The following PKNOX2 variants were observed in gnomAD, a reference collection of about 807,000 sequenced individuals.
PKNOX2 encodes homeobox protein PKNOX2.
Under a neutral mutation model 53.1 loss-of-function variants are expected in PKNOX2, and 14 were observed. The ratio of observed to expected loss-of-function variants is 0.26; its 90% CI spans 0.17 to 0.41. The LOEUF (loss-of-function observed/expected upper bound fraction) is 0.41. Among genes scored for constraint, PKNOX2 ranks in the 10% least tolerant of loss-of-function variants. The pLI is 1.00. For synonymous variants in PKNOX2, 257 were observed against 242.8 expected (o/e 1.06, Z -0.54); for missense variants, 496 against 602.8 (o/e 0.82, Z 1.85).
At chr11:125,251,114 G>A (rs1484584235) in intron 2 of PKNOX2, among the ~76,000 whole-genome samples, 2 of 152,224 alleles carry the variant, frequency 1.3e-5, no homozygotes, top group Non-Finnish European at 2.9e-5. Context: ...CACGGGAGGC[G>A]TGTGACTTCT....
At chr11:125,330,396 G>A (rs1950069683) in intron 2 of PKNOX2, 1 of 152,246 alleles carries the variant, frequency 6.6e-6, no homozygotes, top group South Asian at 2.1e-4. Flanking sequence ...CCTGTGAGCT[G>A]GTCCTGATCT....
intron 2 of PKNOX2, among the ~76,000 whole-genome samples, chr11:125,325,450 G>A (rs975826896): frequency 6.6e-6 from 1 of 152,126 alleles, no homozygotes; most frequent in African/African-American, 2.4e-5. Flanking sequence ...AGGTATTAGG[G>A]GAGCAGAAAG....
chr11:125,230,463 T>C (rs1294608061), intron 1 of PKNOX2, among the ~76,000 whole-genome samples: 1 of 152,064 alleles, frequency 6.6e-6, no homozygotes, highest in East Asian at 1.9e-4. Flanking sequence ...GAGGGACGAG[T>C]GGTCCATCAG....
intron 2 of PKNOX2, among the ~76,000 whole-genome samples, chr11:125,245,732 A>G (rs1377610025): frequency 6.6e-6 from 1 of 152,206 alleles, no homozygotes; most frequent in Non-Finnish European, 1.5e-5. Context: ...GAGCAAAAGG[A>G]AAAGAAGTTT....
At chr11:125,419,453 A>G (rs369345820) in intron 10 of PKNOX2, among the ~76,000 whole-genome samples, 6 of 22,586 alleles carry the variant, frequency 2.7e-4, no homozygotes, top group Non-Finnish European at 8.4e-4. Flanking sequence ...AAAAAAAAAG[A>G]AAAAAAAAAA....
At chr11:125,410,462 C>A in intron 8 of PKNOX2, 137 bp downstream of exon 8, 1 of 1,262,522 alleles carries the variant, frequency 7.9e-7, no homozygotes, top group Non-Finnish European at 1.1e-6. Context: ...CTAAAGTTTT[C>A]TGTAAGTTTA....
intron 1 of PKNOX2, among the ~76,000 whole-genome samples, chr11:125,179,879 C>T (rs561932152): frequency 8.4e-4 from 128 of 152,202 alleles, no homozygotes; most frequent in Non-Finnish European, 1.5e-3. Context: ...GGTATTTTGC[C>T]CTCAGCATAT....
intron 2 of PKNOX2, among the ~76,000 whole-genome samples, chr11:125,249,019 TTATATAA>T (rs1482089039): frequency 1.5e-5 from 2 of 131,020 alleles, no homozygotes; most frequent in Non-Finnish European, 3.3e-5. Context: ...TATATATAAC[TTATATAA>T]TATAGTATAT....
At chr11:125,309,634 C>G (rs979527453) in intron 2 of PKNOX2, among the ~76,000 whole-genome samples, 1 of 152,094 alleles carries the variant, frequency 6.6e-6, no homozygotes. Flanking sequence ...GTGATCTGCC[C>G]GCCTTGGCCT....
chr11:125,382,523 G>A (rs137946761), intron 5 of PKNOX2, among the ~76,000 whole-genome samples: 155 of 151,542 alleles, frequency 1.0e-3, no homozygotes, highest in Non-Finnish European at 2.2e-3. Flanking sequence ...ATTCCTAATT[G>A]ATCTAGTGGC....
At position 125,392,887 on chromosome 11, in the gene PKNOX2, G is replaced by A. The variant is rs184032064; in HGVS notation, c.400-4987G>A. The stretch of plus-strand genomic sequence containing the variant: ...GAAAAGAGAAAGTTTGGCCGGGCGC[G>A]GTGGCTCACGCCTGTAATCCCAGCA... On this transcript the variant is annotated intron_variant, in intron 6 of 12. Transcript: ENST00000298282. Among the ~76,000 whole-genome samples the A allele has an allele frequency of 2.2e-3, 331 of 152,160 alleles. 1 individual carries two copies. The highest frequency in any genetic ancestry group is 6.5e-3 in the African/African-American group (270 of 41,512).
intron 1 of PKNOX2, among the ~76,000 whole-genome samples, chr11:125,194,369 G>T (rs146032266): frequency 1.1e-3 from 170 of 152,298 alleles, no homozygotes; most frequent in Non-Finnish European, 2.2e-3. Flanking sequence ...AGATAACACA[G>T]CGAGTCTTTT....
chr11:125,235,983 A>G (rs953812443), intron 2 of PKNOX2, among the ~76,000 whole-genome samples: 12 of 152,192 alleles, frequency 7.9e-5, no homozygotes, highest in Non-Finnish European at 1.3e-4. Context: ...CACGCTGCTT[A>G]TGGGGCTACC....
chr11:125,409,847 C>A (rs900999527), intron 7 of PKNOX2, among the ~76,000 whole-genome samples: 1 of 152,004 alleles, frequency 6.6e-6, no homozygotes, highest in Non-Finnish European at 1.5e-5. Flanking sequence ...CACTCCTGAA[C>A]AATTAAATGA....
intron 2 of PKNOX2, among the ~76,000 whole-genome samples, chr11:125,262,367 TCA>T (rs1944926409): frequency 6.6e-6 from 1 of 152,104 alleles, no homozygotes; most frequent in Non-Finnish European, 1.5e-5. Context: ...GGAGGACTGG[TCA>T]GGCACTCGGG....
intron 1 of PKNOX2, among the ~76,000 whole-genome samples, chr11:125,209,414 C>T (rs1939553921): frequency 6.6e-6 from 1 of 151,988 alleles, no homozygotes; most frequent in Admixed American, 6.6e-5. Flanking sequence ...TGCGCGCACA[C>T]ACACTCACAA....
At chr11:125,285,754 T>C (rs776276718) in intron 2 of PKNOX2, among the ~76,000 whole-genome samples, 52 of 152,236 alleles carry the variant, frequency 3.4e-4, no homozygotes, top group Non-Finnish European at 7.2e-4. Context: ...ACAGCCATTA[T>C]TAACATTAAA....
intron 2 of PKNOX2, among the ~76,000 whole-genome samples, chr11:125,292,623 G>A (rs777608950): frequency 1.3e-5 from 2 of 152,216 alleles, no homozygotes; most frequent in African/African-American, 4.8e-5. Flanking sequence ...CTGCATTGAA[G>A]ACTGATGGAA....
At chr11:125,263,989 A>G (rs1945099804) in intron 2 of PKNOX2, among the ~76,000 whole-genome samples, 1 of 152,130 alleles carries the variant, frequency 6.6e-6, no homozygotes. Context: ...TGGGAATCCC[A>G]GTGACCTCAG....
Sources: gnomAD v4.1 joint callset for allele counts (sites outside exome capture counted in the v4.1 genomes callset) on GRCh38, gnomAD v4.1.1 for gene constraint, MANE v1.5 for transcripts, NCBI Gene and HGNC (gene_info 2026-07-23, HGNC 2026-07-21) for gene names.